POU6F2: variants seen among roughly 807,000 people sequenced by gnomAD.
The protein encoded by POU6F2 is POU class 6 homeobox 2.
Under a neutral mutation model 71.3 loss-of-function variants are expected in POU6F2, and 31 were observed. That is an observed-to-expected ratio of 0.43 (90% CI 0.33 to 0.59). The LOEUF is 0.59. Among genes scored for constraint, POU6F2 ranks in the 20% least tolerant of loss-of-function variants. POU6F2 has a pLI of 0.04. For synonymous variants in POU6F2, 347 were observed against 355.7 expected, an observed-to-expected ratio of 0.98 and a Z score of 0.27; for missense variants, 783 against 856.8, an observed-to-expected ratio of 0.91 and a Z score of 1.07.
intron 4 of POU6F2, among the ~76,000 whole-genome samples, chr7:39,261,208 G>C (rs1784134701): frequency 6.6e-6 from 1 of 152,130 alleles, no homozygotes; most frequent in Non-Finnish European, 1.5e-5. Context: ...GGCTCAGCCA[G>C]GCCACCTCTC....
At chr7:39,431,251 T>A (rs540364630) in intron 6 of POU6F2, among the ~76,000 whole-genome samples, 1 of 152,298 alleles carries the variant, frequency 6.6e-6, no homozygotes, top group East Asian at 1.9e-4. Flanking sequence ...CCGTTGATAC[T>A]TGACATCCGC....
intron 2 of POU6F2, among the ~76,000 whole-genome samples, chr7:39,133,652 T>C (rs1792332599): frequency 6.6e-6 from 1 of 152,214 alleles, no homozygotes; most frequent in African/African-American, 2.4e-5. Flanking sequence ...GTAAACTCCA[T>C]GAATACAATA....
At chr7:39,211,846 T>C (rs988556152) in intron 4 of POU6F2, among the ~76,000 whole-genome samples, 2 of 152,214 alleles carry the variant, frequency 1.3e-5, no homozygotes, top group African/African-American at 4.8e-5. Flanking sequence ...TGTCTTCTCC[T>C]GCGCCCTCCA....
At chr7:39,173,531 T>G (rs1439011061) in intron 2 of POU6F2, among the ~76,000 whole-genome samples, 5 of 152,240 alleles carry the variant, frequency 3.3e-5, no homozygotes, top group African/African-American at 4.8e-5. Flanking sequence ...TACTCTAACT[T>G]AACCAATGAC....
chr7:39,170,307 TTTTA>T (rs1793194503), intron 2 of POU6F2, among the ~76,000 whole-genome samples: 1 of 152,230 alleles, frequency 6.6e-6, no homozygotes, highest in African/African-American at 2.4e-5. Context: ...ATTTTGTCTT[TTTTA>T]AAGAGAAAAA....
chr7:39,123,281 T>C (rs886896120), intron 2 of POU6F2, among the ~76,000 whole-genome samples: 2 of 152,234 alleles, frequency 1.3e-5, no homozygotes, highest in Non-Finnish European at 2.9e-5. Context: ...CTTATGTTCC[T>C]ATGGCAGTGA....
At chr7:39,225,732 T>C (rs1484280343) in intron 4 of POU6F2, among the ~76,000 whole-genome samples, 2 of 152,240 alleles carry the variant, frequency 1.3e-5, no homozygotes, top group African/African-American at 2.4e-5. Context: ...CTAAATGATA[T>C]AGCCACATGC....
intron 6 of POU6F2, among the ~76,000 whole-genome samples, chr7:39,421,746 G>A (rs916465722): frequency 1.3e-5 from 2 of 151,790 alleles, no homozygotes; most frequent in Admixed American, 6.6e-5. Flanking sequence ...TTTCTCATTT[G>A]GGAAGAAAAA....
chr7:39,430,179 G>A (rs545419516), intron 6 of POU6F2, among the ~76,000 whole-genome samples: 4 of 152,294 alleles, frequency 2.6e-5, no homozygotes, highest in East Asian at 3.9e-4. Flanking sequence ...TGATACATTC[G>A]GGAATATGAC....
In POU6F2 at chr7:39,367,125, A is replaced by G. The variant is rs1302591709; in HGVS notation, c.972+27110A>G. On this transcript the variant is annotated intron_variant, in intron 5 of 9. Transcript: ENST00000518318. ...TGGCAAACACTATTCACCACAAGTC[A>G]TTTATCCAAAAAAATTGATGAATTA... Among the ~76,000 whole-genome samples the G allele has an allele frequency of 1.1e-4, 17 of 152,170 alleles. 2 individuals are homozygous for G. Among genetic ancestry groups the G allele is most frequent in the Admixed American group, 1.1e-3 (17 of 15,286 alleles).
chr7:39,443,876 A>C (rs1232456251), intron 7 of POU6F2, among the ~76,000 whole-genome samples: 4 of 152,234 alleles, frequency 2.6e-5, no homozygotes, highest in Non-Finnish European at 5.9e-5. Flanking sequence ...TTTACGACAA[A>C]TGTGTGATCT....
intron 4 of POU6F2, among the ~76,000 whole-genome samples, chr7:39,288,997 C>G (rs1784698816): frequency 6.6e-6 from 1 of 152,204 alleles, no homozygotes; most frequent in South Asian, 2.1e-4. Flanking sequence ...TCTCCAACTT[C>G]CAAACATTGC....
intron 4 of POU6F2, among the ~76,000 whole-genome samples, chr7:39,245,236 A>G (rs1584622135): frequency 6.6e-6 from 1 of 152,230 alleles, no homozygotes; most frequent in Non-Finnish European, 1.5e-5. Flanking sequence ...TGAAGATAAT[A>G]GCAAATTAAC....
chr7:39,050,617 G>A (rs940997780), intron 1 of POU6F2, among the ~76,000 whole-genome samples: 6 of 152,148 alleles, frequency 3.9e-5, no homozygotes, highest in Admixed American at 3.3e-4. Context: ...ATCAAAATTT[G>A]TTGTCCTAAT....
intron 2 of POU6F2, among the ~76,000 whole-genome samples, chr7:39,091,098 G>A (rs1168548153): frequency 1.3e-5 from 2 of 152,090 alleles, no homozygotes; most frequent in Non-Finnish European, 2.9e-5. Context: ...AAAAACCACC[G>A]TAATGCTGCA....
At chr7:39,153,595 T>G (rs1162935369) in intron 2 of POU6F2, among the ~76,000 whole-genome samples, 1 of 152,226 alleles carries the variant, frequency 6.6e-6, no homozygotes, top group East Asian at 1.9e-4. Flanking sequence ...ATACTACTAT[T>G]GTAGTTAACA....
chr7:39,216,921 G>GCC (rs58323790), intron 4 of POU6F2, among the ~76,000 whole-genome samples: 7,166 of 151,904 alleles, frequency 0.047, 559 homozygotes, highest in African/African-American at 0.16. Context: ...TTTAAAGGAA[G>GCC]CCCCCTCCCC....
intron 1 of POU6F2, among the ~76,000 whole-genome samples, chr7:39,075,920 G>A (rs1790992952): frequency 6.6e-6 from 1 of 152,180 alleles, no homozygotes; most frequent in African/African-American, 2.4e-5. Context: ...TTCCTTTCCA[G>A]TGTAGCTATG....
intron 2 of POU6F2, among the ~76,000 whole-genome samples, chr7:39,098,302 A>G (rs1791496420): frequency 6.6e-6 from 1 of 151,622 alleles, no homozygotes; most frequent in Non-Finnish European, 1.5e-5. Context: ...TTCTGAGACA[A>G]GGTCTTGCTC....
Sources: allele counts gnomAD v4.1 joint callset (sites outside exome capture counted in the v4.1 genomes callset), GRCh38; gene constraint gnomAD v4.1.1; transcripts MANE v1.5; gene names NCBI Gene and HGNC (gene_info 2026-07-23, HGNC 2026-07-21).